The following KIF4A variants were observed in gnomAD, a reference collection of about 807,000 sequenced individuals.
KIF4A encodes kinesin family member 4A.
Under a neutral mutation model 105.9 loss-of-function variants are expected in KIF4A, and 7 were observed. That is an observed-to-expected ratio of 0.07 (90% confidence interval 0.04 to 0.12). The LOEUF (loss-of-function observed/expected upper bound fraction) is 0.12, where lower values mean the gene tolerates loss of function less well. Ranked by LOEUF, KIF4A falls within the 10% of genes least tolerant of loss-of-function variation. The probability of loss-of-function intolerance (pLI) is 1.00; values close to 1 mark genes in which losing one functional copy is unlikely to be tolerated. For missense variants in KIF4A, 558 were observed against 929.2 expected (o/e 0.60, Z 5.19); for synonymous variants, 281 against 331.3 (o/e 0.85, Z 1.65).
chrX:70,397,925 A>C (rs1242375453), intron 22 of KIF4A, among the ~76,000 whole-genome samples: 3 of 112,386 alleles, frequency 2.7e-5, no homozygotes, highest in African/African-American at 9.7e-5. Flanking sequence ...AAATTTCAAG[A>C]ATGTTGTAAA....
intron 5 of KIF4A, 57 bp downstream of exon 5, chrX:70,299,259 G>A: frequency 1.0e-6 from 1 of 957,638 alleles, no homozygotes; most frequent in East Asian, 3.1e-5. Flanking sequence ...TAATACTAAA[G>A]TTCACATCCC....
chrX:70,400,056 T>TAC (rs2086275113), intron 22 of KIF4A, among the ~76,000 whole-genome samples: 1 of 104,188 alleles, frequency 9.6e-6, no homozygotes, highest in Non-Finnish European at 2.0e-5. Context: ...AGTTTTAGGG[T>TAC]ACATGTGCAC....
chrX:70,347,148 A>G (rs2085996152), intron 13 of KIF4A, among the ~76,000 whole-genome samples: 1 of 112,165 alleles, frequency 8.9e-6, no homozygotes, highest in Non-Finnish European at 1.9e-5. Context: ...GACCAGTTCC[A>G]TAAAAAGCAT....
intron 20 of KIF4A, 152 bp downstream of exon 20, chrX:70,387,449 T>C: frequency 2.2e-5 from 10 of 444,588 alleles, no homozygotes; most frequent in Non-Finnish European, 3.9e-6. Context: ...AGCAATGTCT[T>C]TGAACTGTTG....
intron 9 of KIF4A, among the ~76,000 whole-genome samples, chrX:70,333,114 G>T (rs1226900863): frequency 9.1e-6 from 1 of 110,217 alleles, no homozygotes; most frequent in Non-Finnish European, 1.9e-5. Context: ...CGAGGTAGGT[G>T]GATCAATTGA....
At position 70,420,142 on chromosome X, in the gene KIF4A, G is replaced by A; in HGVS notation, c.3576G>A (p.Glu1192=). The change falls in exon 31 of 31, where the codon GAG becomes GAA. Residue 1192 remains glutamate (E), a synonymous_variant. Transcript: ENST00000374403. The stretch of plus-strand genomic sequence containing the variant: ...CTCCCTCCCCTTTTGACCTCCCAGA[G>A]TTGAAACATGTAGCAACAGAATACC... ...PPAPSPFDLP[E]LKHVATEYQE... 1.7e-6 allele frequency: 2 copies of A among 1,211,059 alleles called. No homozygotes were observed. Among genetic ancestry groups the A allele is most frequent in the East Asian group, 3.0e-5 (1 of 33,813 alleles).
chrX:70,329,368 A>T, intron 7 of KIF4A, 37 bp from the exon 8 acceptor site: 1 of 1,146,943 alleles, frequency 8.7e-7, no homozygotes, highest in Non-Finnish European at 1.2e-6. Context: ...TGTTGGATGC[A>T]TTACCAAGCA....
At chrX:70,312,666 AT>A (rs1471757339) in intron 7 of KIF4A, among the ~76,000 whole-genome samples, 5 of 111,805 alleles carry the variant, frequency 4.5e-5, no homozygotes, top group Admixed American at 3.8e-4. Flanking sequence ...TTCAAGATCA[AT>A]TTTTTTCTTT....
In KIF4A at chrX:70,419,873, G is replaced by A. The variant is rs893560499; in HGVS notation, c.3495+90G>A. 4.4e-6 allele frequency: 5 copies of A among 1,128,029 alleles called. No homozygotes were observed. The African/African-American group carries it at 9.1e-5, about 20-fold the overall frequency. The allele number at this position is 1,128,029 out of a possible 1,213,427, so 93.0% of individuals were successfully genotyped here. A position where few individuals can be genotyped will look rare whatever the true frequency, so the allele number is the denominator to read the frequency against. On this transcript the variant is annotated intron_variant, in intron 30 of 30. Coordinates refer to ENST00000374403, the MANE Select transcript of KIF4A (RefSeq NM_012310.5). ...GAGACCAGTAGGAGAGAGGCAGGTG[G>A]AGTAAAGGTGTAATCAGCTTGCTGG...
At chrX:70,400,451 C>G (rs1481645829) in intron 22 of KIF4A, among the ~76,000 whole-genome samples, 1 of 111,579 alleles carries the variant, frequency 9.0e-6, no homozygotes, top group East Asian at 2.8e-4. Flanking sequence ...GCAACTAACT[C>G]TTAAGGAGGT....
At chrX:70,347,796 A>C (rs2085999360) in intron 13 of KIF4A, among the ~76,000 whole-genome samples, 1 of 100,112 alleles carries the variant, frequency 1.0e-5, no homozygotes, top group African/African-American at 3.7e-5. Flanking sequence ...TAACAAGGTG[A>C]AACCCCGTCT....
intron 4 of KIF4A, among the ~76,000 whole-genome samples, chrX:70,298,100 G>C (rs2085790433): frequency 9.1e-6 from 1 of 109,631 alleles, no homozygotes; most frequent in Non-Finnish European, 1.9e-5. Context: ...GTGAGACCTT[G>C]TCTCTACAAA....
chrX:70,389,133 G>A (rs1475815586), intron 20 of KIF4A, among the ~76,000 whole-genome samples: 3 of 111,645 alleles, frequency 2.7e-5, no homozygotes, highest in Non-Finnish European at 5.6e-5. Flanking sequence ...GTGCATGCCT[G>A]TAGTCCCAAC....
At chrX:70,297,458 T>G (rs1427789423) in intron 4 of KIF4A, among the ~76,000 whole-genome samples, 1 of 112,436 alleles carries the variant, frequency 8.9e-6, no homozygotes, top group Non-Finnish European at 1.9e-5. Context: ...CCTCTGTTAC[T>G]GATTACCTGT....
chrX:70,386,567 T>C (rs2086218256), intron 18 of KIF4A, 51 bp from the exon 19 acceptor site: 2 of 960,522 alleles, frequency 2.1e-6, no homozygotes, highest in Non-Finnish European at 3.0e-6. Flanking sequence ...AGTATAAGGT[T>C]TTATTTTAGC....
chrX:70,361,951 A>T (rs1476821670), intron 15 of KIF4A, among the ~76,000 whole-genome samples: 3 of 112,164 alleles, frequency 2.7e-5, no homozygotes, highest in African/African-American at 9.7e-5. Context: ...CCTCTTTGTG[A>T]ATCAATGCCT....
intron 28 of KIF4A, among the ~76,000 whole-genome samples, 194 bp downstream of exon 28, chrX:70,407,269 A>G (rs1420283864): frequency 9.0e-6 from 1 of 111,144 alleles, no homozygotes; most frequent in Non-Finnish European, 1.9e-5. Context: ...CACCACACCC[A>G]GTTAATTTTG....
chrX:70,326,084 T>A (rs1214378300), intron 7 of KIF4A, among the ~76,000 whole-genome samples: 3 of 111,500 alleles, frequency 2.7e-5, no homozygotes, highest in Non-Finnish European at 5.6e-5. Flanking sequence ...TCAGTAACAA[T>A]CATTCCCTTT....
intron 7 of KIF4A, among the ~76,000 whole-genome samples, chrX:70,320,978 CATAA>C (rs777462557): frequency 5.4e-5 from 6 of 112,112 alleles, no homozygotes; most frequent in Non-Finnish European, 9.4e-5. Context: ...AATAAAAATA[CATAA>C]ATAAATGAAT....
Sources: gnomAD v4.1 joint callset for allele counts (sites outside exome capture counted in the v4.1 genomes callset) on GRCh38, gnomAD v4.1.1 for gene constraint, MANE v1.5 for transcripts, NCBI Gene and HGNC (gene_info 2026-07-23, HGNC 2026-07-21) for gene names.